ANTXRL: variants seen among roughly 807,000 people sequenced by gnomAD.
ANTXRL encodes the protein anthrax toxin receptor-like.
ANTXRL carries 63 observed loss-of-function variants against 75.4 expected under a neutral mutation model. That is an observed-to-expected ratio of 0.84 (90% CI 0.68 to 1.03). The LOEUF (loss-of-function observed/expected upper bound fraction) is 1.03, where lower values mean the gene tolerates loss of function less well. Among genes scored for constraint, ANTXRL ranks in the 50% least tolerant of loss-of-function variants. The probability of loss-of-function intolerance (pLI) is 0.00; values close to 1 mark genes in which losing one functional copy is unlikely to be tolerated. For synonymous variants in ANTXRL, 335 were observed against 291.3 expected (o/e 1.15, Z -1.53); for missense variants, 797 against 789.4 (o/e 1.01, Z -0.12).
rs1554962183 is a variant in ANTXRL at position 46,307,411 on chromosome 10, T to C, written c.975T>C (p.Ser325=). Residue 325 remains serine, a synonymous_variant, in exon 12 of 17, where the codon TCT becomes TCC. Coordinates refer to ENST00000620264, the MANE Select transcript of ANTXRL (RefSeq NM_001278688.3). ...PKLEKPGEEY[S]IEVSLNKGKT... ...ATTTTCTATGCTTTAGGGAGTACTC[T>C]ATTGAAGTCAGCTTGAACAAAGGCA... 1 of 1,535,866 alleles carries C rather than the reference T, an allele frequency of 6.5e-7. No homozygotes were observed. The highest frequency in any genetic ancestry group is 1.2e-5 in the South Asian group (1 of 84,040).
At position 46,297,331 on chromosome 10, in the gene ANTXRL, G is replaced by A; in HGVS notation, c.585+3G>A. The A allele has an allele frequency of 6.5e-7, 1 of 1,536,398 alleles. No individual in the cohort carries two copies. Among genetic ancestry groups the A allele is most frequent in the Non-Finnish European group, 8.7e-7 (1 of 1,146,812 alleles). Reference sequence around the variant, plus strand: ...CATTTCAGGACACTCTCAGAGAAGTGAGTCCAGTTCATACTTACCAGCATT... The same window carrying A: ...CATTTCAGGACACTCTCAGAGAAGTAAGTCCAGTTCATACTTACCAGCATT... On this transcript the variant is annotated splice_donor_region_variant and intron_variant, in intron 6 of 16. Transcript: ENST00000620264.
chr10:46,287,170 G>C lies in ANTXRL; in HGVS notation c.-93G>C, dbSNP rs1420872123. On this transcript the variant is annotated 5_prime_UTR_variant, in exon 1 of 17. Coordinates refer to ENST00000620264, the MANE Select transcript of ANTXRL (RefSeq NM_001278688.3). ...AGGAGGGGTGTGGCCCCGGGCATAA[G>C]GGGAGGCGGCAAAGAAGGGGCCTGT... is the stretch of plus-strand genomic sequence containing the variant. 2 of 1,459,300 alleles carry C rather than the reference G, an allele frequency of 1.4e-6. No individual in the cohort carries two copies. Among genetic ancestry groups the C allele is most frequent in the Non-Finnish European group, 1.8e-6 (2 of 1,107,206 alleles). The allele number at this position is 1,459,300 out of a possible 1,614,324, so 90.4% of individuals were successfully genotyped here.
In ANTXRL at chr10:46,296,260, C is replaced by T. The variant is rs1347770717; in HGVS notation, c.508+8C>T. The T allele has an allele frequency of 6.5e-7, 1 of 1,535,756 alleles. No individual in the cohort carries two copies. Among genetic ancestry groups the T allele is most frequent in the African/African-American group, 1.4e-5 (1 of 73,124 alleles). On this transcript the variant is annotated splice_region_variant and intron_variant, in intron 5 of 16. Transcript: ENST00000620264. Reference sequence around the variant, plus strand: ...AAAGTTTCAACTCCGGAAGTAAGCACCTGCCGTCCCCCTGGTGGTCCTGTA... The same window carrying T: ...AAAGTTTCAACTCCGGAAGTAAGCATCTGCCGTCCCCCTGGTGGTCCTGTA...
In ANTXRL at chr10:46,301,093, G is replaced by T. The variant is rs1451141149; in HGVS notation, c.797-1629G>T. ...TGTAATTTGCAATTATCCTGTCCAT[G>T]GAGCTTTGGGGCAGCACTCAGCCCT... On this transcript the variant is annotated intron_variant, in intron 9 of 16. Transcript: ENST00000620264. Among the ~76,000 whole-genome samples the T allele has an allele frequency of 7.2e-5, 11 of 152,082 alleles. 1 individual carries two copies. The highest frequency in any genetic ancestry group is 2.7e-4 in the African/African-American group (11 of 41,388).
rs375983750 is a variant in ANTXRL, at chr10:46,287,330, C to A, written c.68C>A (p.Pro23Gln). Reference protein sequence around the residue: ...VFLLLLLLPPPLFRAGSLRYH... With the variant: ...VFLLLLLLPPQLFRAGSLRYH... Reference sequence around the variant, plus strand: ...CTGCTGCTGCTGCTGCTTCCTCCACCGCTTTTTAGAGCAGGAAGCCTTCGG... The same window carrying A: ...CTGCTGCTGCTGCTGCTTCCTCCACAGCTTTTTAGAGCAGGAAGCCTTCGG... Residue 23 changes from proline (P) to glutamine (Q), a missense_variant, in exon 1 of 17, where the codon CCG (proline) becomes CAG (glutamine). Pro to Gln is a moderately conservative substitution (Grantham distance 76, BLOSUM62 -1). Coordinates refer to ENST00000620264, the MANE Select transcript of ANTXRL (RefSeq NM_001278688.3). 6.5e-7 allele frequency: 1 copy of A among 1,536,002 alleles called. No homozygotes were observed. Among genetic ancestry groups the A allele is most frequent in the South Asian group, 1.2e-5 (1 of 84,042 alleles).
At chr10:46,293,379 TGA>T (rs1195351643) in intron 2 of ANTXRL, among the ~76,000 whole-genome samples, 20 of 141,810 alleles carry the variant, frequency 1.4e-4, no homozygotes, top group South Asian at 7.0e-4. Flanking sequence ...TGCCTGTGTG[TGA>T]GTGTGTGCCT....
Position 46,287,118 on chromosome 10 carries a change from C to A in ANTXRL, c.-145C>A. 1 of 1,059,098 alleles carries A rather than the reference C, an allele frequency of 9.4e-7. No homozygotes were observed. Among genetic ancestry groups the A allele is most frequent in the Non-Finnish European group, 1.3e-6 (1 of 755,580 alleles). 65.6% of individuals were successfully genotyped at this position (1,059,098 alleles called of 1,614,324 possible). ...TCTGGGGAGGTACCTGGTGGAGGGC[C>A]ATAGTGTGCACTGGTGAAAGGGCAG... On this transcript the variant is annotated 5_prime_UTR_variant, in exon 1 of 17. Coordinates refer to ENST00000620264, the MANE Select transcript of ANTXRL (RefSeq NM_001278688.3).
At position 46,287,274 on chromosome 10, in the gene ANTXRL, T is replaced by C. The variant is rs1443429202; in HGVS notation, c.12T>C (p.His4=). 6.5e-7 allele frequency: 1 copy of C among 1,535,656 alleles called. No individual in the cohort carries two copies. The highest frequency in any genetic ancestry group is 2.4e-5 in the East Asian group (1 of 40,932). Residue 4 remains histidine (H), a synonymous_variant, in exon 1 of 17, where the codon CAT becomes CAC. Coordinates refer to ENST00000620264, the MANE Select transcript of ANTXRL (RefSeq NM_001278688.3). ...GGGACAGCCAGATAATGGGGAGCCA[T>C]GAGTCCCTGGGGCCCTACTTCCTGG... MGS[H]ESLGPYFLVF...
intron 2 of ANTXRL, among the ~76,000 whole-genome samples, chr10:46,293,289 CGT>C (rs1837105250): frequency 6.9e-5 from 3 of 43,790 alleles, no homozygotes; most frequent in African/African-American, 2.0e-4. Flanking sequence ...AGAGTGTGTG[CGT>C]GTGTGCCTGT....
intron 2 of ANTXRL, among the ~76,000 whole-genome samples, chr10:46,292,622 A>G (rs1414150873): frequency 6.6e-6 from 1 of 152,062 alleles, no homozygotes; most frequent in East Asian, 1.9e-4. Flanking sequence ...TGGGAATGAG[A>G]TTAGCTCAGG....
At chr10:46,326,063 CAGA>C (rs1650450168) in intron 16 of ANTXRL, among the ~76,000 whole-genome samples, 1 of 150,352 alleles carries the variant, frequency 6.7e-6, no homozygotes, top group Non-Finnish European at 1.5e-5. Flanking sequence ...CCTGGCTGAT[CAGA>C]AGGTCTTTCT....
chr10:46,329,033 T>G (rs1839362723), intron 16 of ANTXRL, among the ~76,000 whole-genome samples: 1 of 152,198 alleles, frequency 6.6e-6, no homozygotes, highest in African/African-American at 2.4e-5. Context: ...TCTGTGTGGC[T>G]TGCAGCTGTG....
At chr10:46,310,305 C>T (rs782108868) in intron 13 of ANTXRL, among the ~76,000 whole-genome samples, 156 bp from the exon 14 acceptor site, 2 of 152,052 alleles carry the variant, frequency 1.3e-5, no homozygotes, top group African/African-American at 2.4e-5. Context: ...AGGAGCCTGC[C>T]GGGTACAAGT....
chr10:46,309,920 G>T (rs1245128356), intron 13 of ANTXRL, among the ~76,000 whole-genome samples: 8 of 152,150 alleles, frequency 5.3e-5, no homozygotes, highest in Non-Finnish European at 1.0e-4. Context: ...TGGAAGGGGT[G>T]CTGGGAGCTG....
intron 16 of ANTXRL, among the ~76,000 whole-genome samples, chr10:46,316,237 T>G (rs1258242343): frequency 3.9e-5 from 6 of 152,050 alleles, no homozygotes; most frequent in Non-Finnish European, 8.8e-5. Context: ...AGGAGGCCCT[T>G]TAGAAACTGG....
Position 46,287,102 on chromosome 10 carries a change from G to T in ANTXRL, c.-161G>T, listed in dbSNP as rs1444727046. 3 of 912,992 alleles carry T rather than the reference G, an allele frequency of 3.3e-6. 1 individual carries two copies. Among genetic ancestry groups the T allele is most frequent in the African/African-American group, 3.4e-5 (2 of 59,520 alleles). 56.6% of individuals were successfully genotyped at this position (912,992 alleles called of 1,614,324 possible). ...ACCCTAGTCCCTGCGATCTGGGGAGGTACCTGGTGGAGGGCCATAGTGTGC... is the reference window on the plus strand; with the variant it reads ...ACCCTAGTCCCTGCGATCTGGGGAGTTACCTGGTGGAGGGCCATAGTGTGC... On this transcript the variant is annotated 5_prime_UTR_variant, in exon 1 of 17. Coordinates refer to ENST00000620264, the MANE Select transcript of ANTXRL (RefSeq NM_001278688.3).
chr10:46,313,425 A>G, intron 16 of ANTXRL, 109 bp downstream of exon 16: 1 of 1,146,822 alleles, frequency 8.7e-7, no homozygotes, highest in Non-Finnish European at 1.3e-6. Context: ...CATCTGCAAA[A>G]GAGGACGGCA....
In ANTXRL at chr10:46,287,271, C is replaced by T; in HGVS notation, c.9C>T (p.Ser3=). The T allele has an allele frequency of 6.5e-7, 1 of 1,535,756 alleles. No homozygotes were observed. The highest frequency in any genetic ancestry group is 1.2e-5 in the South Asian group (1 of 84,024). ...ACAGGGACAGCCAGATAATGGGGAG[C>T]CATGAGTCCCTGGGGCCCTACTTCC... MG[S]HESLGPYFLV... is the part of the protein sequence containing the mutation. The change falls in exon 1 of 17, where the codon AGC becomes AGT. Residue 3 remains serine, a synonymous_variant. Coordinates refer to ENST00000620264, the MANE Select transcript of ANTXRL (RefSeq NM_001278688.3).
chr10:46,307,010 C>T (rs1394652519), intron 11 of ANTXRL, 138 bp downstream of exon 11: 62 of 713,312 alleles, frequency 8.7e-5, no homozygotes, highest in Non-Finnish European at 1.3e-4. Context: ...GAGCACCCTC[C>T]TCCCCACATC....
Sources: gnomAD v4.1 joint callset for allele counts (sites outside exome capture counted in the v4.1 genomes callset) on GRCh38, gnomAD v4.1.1 for gene constraint, MANE v1.5 for transcripts, NCBI Gene and HGNC (gene_info 2026-07-23, HGNC 2026-07-21) for gene names.